The following RGS14 variants were observed in gnomAD, a reference collection of about 807,000 sequenced individuals.
RGS14 encodes regulator of G-protein signaling 14.
In RGS14, 33 loss-of-function variants were observed where a neutral mutation model predicts 63.8. The ratio of observed to expected loss-of-function variants is 0.52; its 90% CI spans 0.39 to 0.69. The LOEUF (loss-of-function observed/expected upper bound fraction) is 0.69. Ranked by LOEUF, RGS14 falls within the 30% of genes least tolerant of loss-of-function variation. The pLI, the probability that RGS14 is intolerant of heterozygous loss-of-function variation, is 0.00. For missense variants in RGS14, 739 were observed against 742.9 expected (o/e 0.99, Z 0.06); for synonymous variants, 296 against 320.9 (o/e 0.92, Z 0.83).
At position 177,366,525 on chromosome 5, in the gene RGS14, T is replaced by C. The variant is rs772094078; in HGVS notation, c.246+170T>C. The C allele has an allele frequency of 1.1e-3, 860 of 791,420 alleles. 2 individuals are homozygous for C. Among genetic ancestry groups the C allele is most frequent in the Non-Finnish European group, 8.8e-4 (429 of 489,894 alleles). The allele number at this position is 791,420 out of a possible 1,614,324, so 49.0% of individuals were successfully genotyped here. ...AACTTTTCTTCCTTCTCCCTGTCCT[T>C]GTCTCTGCCTCTCATTTTCTCTCCC... On this transcript the variant is annotated intron_variant, in intron 3 of 14. Transcript: ENST00000408923.
intron 5 of RGS14, 178 bp from the exon 6 acceptor site, chr5:177,367,236 C>G: frequency 9.1e-7 from 1 of 1,097,246 alleles, no homozygotes; most frequent in Non-Finnish European, 1.3e-6. Flanking sequence ...CGGAGCCTAG[C>G]TGAGCTCGGG....
rs575073816 is a variant in RGS14 at position 177,358,356 on chromosome 5, C to T, written c.45+287C>T. On this transcript the variant is annotated intron_variant, in intron 1 of 14. Coordinates refer to ENST00000408923, the MANE Select transcript of RGS14 (RefSeq NM_006480.5). The surrounding 1 kb of genome is among the most constrained non-coding windows in gnomAD (Gnocchi z 4.8). ...TCACCTGCTGCATCTGGGGCTGCAT[C>T]CCAGGGTCTCAGGGACACTCGATGT... 2.6e-4 allele frequency among the ~76,000 whole-genome samples: 39 copies of T among 152,294 alleles called. No individual in the cohort carries two copies. The South Asian group carries it at 4.3e-3, about 17-fold the overall frequency.
chr5:177,370,983 C>T lies in RGS14; in HGVS notation c.1206C>T (p.Pro402=), dbSNP rs1383478858. Residue 402 remains proline (P), a synonymous_variant, in exon 11 of 15, where the codon CCC becomes CCT. Coordinates refer to ENST00000408923, the MANE Select transcript of RGS14 (RefSeq NM_006480.5). ...PTKRLQEALQ[P]ILEKHGLSPL... is the part of the protein sequence containing the mutation. ...AGCGGCTGCAGGAGGCGCTGCAGCC[C>T]ATTCTGGAGAAGCACGGCTTGAGCC... 2.2e-5 allele frequency: 35 copies of T among 1,606,234 alleles called. No homozygotes were observed. The highest frequency in any genetic ancestry group is 3.0e-5 in the Non-Finnish European group (35 of 1,179,220).
intron 8 of RGS14, among the ~76,000 whole-genome samples, 158 bp downstream of exon 8, chr5:177,368,424 A>G (rs968956981): frequency 6.6e-6 from 1 of 152,206 alleles, no homozygotes. Flanking sequence ...GTCTCACTAC[A>G]TTGGTCCCCA....
intron 1 of RGS14, among the ~76,000 whole-genome samples, chr5:177,365,080 G>A (rs916469052): frequency 1.8e-4 from 27 of 152,170 alleles, no homozygotes; most frequent in African/African-American, 6.3e-4. Flanking sequence ...CAACACGTGC[G>A]ATAGTAAGAT....
At position 177,362,496 on chromosome 5, in the gene RGS14, G is replaced by C. The variant is rs192473994; in HGVS notation, c.46-3467G>C. ...CCGGGACATGGGTGGATAAGCACGTGGTGGGAAGGGGCATTCAAGGGGCCT... is the reference window on the plus strand; with the variant it reads ...CCGGGACATGGGTGGATAAGCACGTCGTGGGAAGGGGCATTCAAGGGGCCT... On this transcript the variant is annotated intron_variant, in intron 1 of 14. Coordinates refer to ENST00000408923, the MANE Select transcript of RGS14 (RefSeq NM_006480.5). Among the ~76,000 whole-genome samples the C allele has an allele frequency of 2.3e-4, 35 of 152,304 alleles. No individual in the cohort carries two copies. The East Asian group carries it at 5.6e-3, about 24-fold the overall frequency.
chr5:177,372,035 T>G lies in RGS14; in HGVS notation c.1661T>G (p.Ile554Ser). 1 of 1,614,018 alleles carries G rather than the reference T, an allele frequency of 6.2e-7. No homozygotes were observed. The highest frequency in any genetic ancestry group is 8.5e-7 in the Non-Finnish European group (1 of 1,179,986). The change falls in exon 15 of 15, where the codon ATC becomes AGC. Residue 554 changes from isoleucine to serine, a missense_variant. Coordinates refer to ENST00000408923, the MANE Select transcript of RGS14 (RefSeq NM_006480.5). ...PPQTKSAAQP[I>S]GGSLNSTTDS... Reference sequence around the variant, plus strand: ...CAGACCAAATCAGCAGCCCAGCCCATCGGGGGATCCTTGAACTCCACCACC... The same window carrying G: ...CAGACCAAATCAGCAGCCCAGCCCAGCGGGGGATCCTTGAACTCCACCACC...
chr5:177,366,964 G>A lies in RGS14; in HGVS notation c.413G>A (p.Arg138His), dbSNP rs756178898. 3 of 1,613,910 alleles carry A rather than the reference G, an allele frequency of 1.9e-6. No homozygotes were observed. Among genetic ancestry groups the A allele is most frequent in the Admixed American group, 1.7e-5 (1 of 60,026 alleles). The change falls in exon 5 of 15, where the codon CGT (arginine) becomes CAT (histidine). Residue 138 changes from arginine to histidine, a missense_variant. Physicochemically the swap from Arg to His is conservative, Grantham distance 29. Transcript: ENST00000408923. ...GCGCTGAGCCCAGTGAACATCGACC[G>A]TCAGGCCTGGCTTGGCGAGGAGGTG... ...SQALSPVNID[R>H]QAWLGEEVLA...
In RGS14 at chr5:177,371,838, G is replaced by C; in HGVS notation, c.1499-35G>C. 1 of 1,596,476 alleles carries C rather than the reference G, an allele frequency of 6.3e-7. No individual in the cohort carries two copies. The highest frequency in any genetic ancestry group is 8.5e-7 in the Non-Finnish European group (1 of 1,170,106). On this transcript the variant is annotated intron_variant, in intron 14 of 14. Transcript: ENST00000408923. This position sits in a 1 kb window ranked among gnomAD's most constrained non-coding sequence, Gnocchi z 6.1. ...CGTGGGCTGGCATATAGGCAGGTCT[G>C]CTGGGGGGACCCTCATGCTGTGGCT... is the stretch of plus-strand genomic sequence containing the variant.
chr5:177,365,985 G>T lies in RGS14; in HGVS notation c.67+1G>T. On this transcript the variant is annotated splice_donor_variant, in intron 2 of 14. Coordinates refer to ENST00000408923, the MANE Select transcript of RGS14 (RefSeq NM_006480.5). LOFTEE classifies it high-confidence loss of function. ...TAGGTTCTGGCTGTGTCAGATGGAG[G>T]TAAGTGACAGAATGTGTGGAGAACT... 1 of 1,613,960 alleles carries T rather than the reference G, an allele frequency of 6.2e-7. No individual in the cohort carries two copies. The highest frequency in any genetic ancestry group is 8.5e-7 in the Non-Finnish European group (1 of 1,179,810).
intron 1 of RGS14, among the ~76,000 whole-genome samples, chr5:177,361,829 G>T (rs370975917): frequency 6.6e-6 from 1 of 152,162 alleles, no homozygotes; most frequent in African/African-American, 2.4e-5. Flanking sequence ...GCCTGGGTCC[G>T]TGTGTCACTG....
Position 177,367,029 on chromosome 5 carries a change from C to G in RGS14, c.478C>G (p.Leu160Val), listed in dbSNP as rs1439730043. 1 of 1,608,950 alleles carries G rather than the reference C, an allele frequency of 6.2e-7. No individual in the cohort carries two copies. The highest frequency in any genetic ancestry group is 1.1e-5 in the South Asian group (1 of 90,430). ...PRPDMFRAQQLQIFNLMKFDS... is the reference protein window; with the variant it reads ...PRPDMFRAQQVQIFNLMKFDS... ...GCCGGACATGTTTCGGGCACAGCAG[C>G]TTCAGGTGGGCGATCCTGGGGGGAT... The change falls in exon 5 of 15, where the codon CTT (leucine) becomes GTT (valine). Residue 160 changes from leucine (L) to valine (V), a missense_variant. Transcript: ENST00000408923.
At chr5:177,360,200 G>A (rs955871664) in intron 1 of RGS14, among the ~76,000 whole-genome samples, 1 of 152,024 alleles carries the variant, frequency 6.6e-6, no homozygotes, top group Non-Finnish European at 1.5e-5. Flanking sequence ...GCTTGGTGCT[G>A]CCACTGCCCC....
intron 1 of RGS14, among the ~76,000 whole-genome samples, chr5:177,361,291 C>T (rs1761960596): frequency 1.3e-5 from 2 of 152,234 alleles, no homozygotes; most frequent in Admixed American, 1.3e-4. Context: ...TGCAGCCCCT[C>T]AAGCTAGGAT....
rs755150113 is a variant in RGS14, at chr5:177,370,660, T to G, written c.1123T>G (p.Phe375Val). The change falls in exon 10 of 15, where the codon TTC (phenylalanine) becomes GTC (valine). Residue 375 changes from phenylalanine (F) to valine (V), a missense_variant. Physicochemically the swap from Phe to Val is conservative, Grantham distance 50. Coordinates refer to ENST00000408923, the MANE Select transcript of RGS14 (RefSeq NM_006480.5). ...QEVRLENRIT[F>V]ELELTALERV... is the part of the protein sequence containing the mutation. ...AGTGCGGCTGGAAAACAGGATCACC[T>G]TCGAGTGAGTGTCCTGCCCCCAAGT... 9 of 1,613,914 alleles carry G rather than the reference T, an allele frequency of 5.6e-6. No individual in the cohort carries two copies. The South Asian group carries it at 8.8e-5, about 16-fold the overall frequency.
chr5:177,369,400 G>A (rs1377733062), intron 9 of RGS14, among the ~76,000 whole-genome samples: 1 of 152,212 alleles, frequency 6.6e-6, no homozygotes, highest in Admixed American at 6.5e-5. Context: ...GGAATCTCAA[G>A]GAAGAATGCT....
In RGS14 at chr5:177,372,138, G is replaced by A. The variant is rs989351345; in HGVS notation, c.*63G>A. 19 of 1,454,874 alleles carry A rather than the reference G, an allele frequency of 1.3e-5. No individual in the cohort carries two copies. The highest frequency in any genetic ancestry group is 4.8e-5 in the South Asian group (4 of 83,184). 90.1% of individuals were successfully genotyped at this position (1,454,874 alleles called of 1,614,324 possible). A position where few individuals can be genotyped will look rare whatever the true frequency, so the allele number is the denominator to read the frequency against. ...GGCGGGCCGAGCATGCCATGGGTCC[G>A]CTCTGCATGCCCTGTCTGTGCCATG... On this transcript the variant is annotated 3_prime_UTR_variant, in exon 15 of 15. Transcript: ENST00000408923.
rs892496577 is a variant in RGS14 at position 177,365,960 on chromosome 5, T to C, written c.46-3T>C. On this transcript the variant is annotated splice_region_variant and splice_polypyrimidine_tract_variant and intron_variant, in intron 1 of 14. Coordinates refer to ENST00000408923, the MANE Select transcript of RGS14 (RefSeq NM_006480.5). The stretch of plus-strand genomic sequence containing the variant: ...CTGACTTTCTCTGTTGGGTCTCTTA[T>C]AGGTTCTGGCTGTGTCAGATGGAGG... 2 of 1,614,062 alleles carry C rather than the reference T, an allele frequency of 1.2e-6. No individual in the cohort carries two copies. Among genetic ancestry groups the C allele is most frequent in the East Asian group, 2.2e-5 (1 of 44,888 alleles).
chr5:177,361,938 C>T (rs1761974553), intron 1 of RGS14, among the ~76,000 whole-genome samples: 1 of 152,194 alleles, frequency 6.6e-6, no homozygotes, highest in African/African-American at 2.4e-5. Context: ...CCCTGCTCAA[C>T]ACAACTTCCC....
Sources: gnomAD v4.1 joint callset for allele counts (sites outside exome capture counted in the v4.1 genomes callset) on GRCh38, gnomAD v4.1.1 for gene constraint, Gnocchi (gnomAD v3.1) non-coding constraint, MANE v1.5 for transcripts, NCBI Gene and HGNC (gene_info 2026-07-23, HGNC 2026-07-21) for gene names.